The following KALRN variants were observed in gnomAD, a reference collection of about 807,000 sequenced individuals.
The protein encoded by KALRN is kalirin.
In KALRN, 70 loss-of-function variants were observed where a neutral mutation model predicts 353.7. The observed-to-expected ratio is 0.20, with a 90% CI of 0.16 to 0.24. The LOEUF is 0.24. Ranked by LOEUF, KALRN falls within the 10% of genes least tolerant of loss-of-function variation. The probability of loss-of-function intolerance (pLI) is 1.00; values close to 1 mark genes in which losing one functional copy is unlikely to be tolerated. For synonymous variants in KALRN, 1,391 were observed against 1,434.8 expected, an observed-to-expected ratio of 0.97 and a Z score of 0.69; for missense variants, 2,791 against 3,756.7, an observed-to-expected ratio of 0.74 and a Z score of 6.72.
chr3:124,110,469 G>GTGCACACA lies in KALRN; in HGVS notation c.73+76656_73+76657insTGCACACA, dbSNP rs1553768423. Among the ~76,000 whole-genome samples the GTGCACACA allele has an allele frequency of 5.2e-4, 70 of 133,980 alleles. 4 individuals are homozygous for GTGCACACA. Among genetic ancestry groups the GTGCACACA allele is most frequent in the Non-Finnish European group, 9.7e-4 (61 of 62,856 alleles). 87.9% of individuals were successfully genotyped at this position (133,980 alleles called of 152,430 possible). On this transcript the variant is annotated intron_variant, in intron 1 of 59. Coordinates refer to ENST00000682506, the MANE Select transcript of KALRN (RefSeq NM_001388419.1). ...ATATATTTCATATATACACACGCGCGCACACACACACACACACACACACAC... is the reference window on the plus strand; with the variant it reads ...ATATATTTCATATATACACACGCGCGTGCACACACACACACACACACACACACACACAC...
At chr3:124,261,029 A>G (rs1349538429) in intron 3 of KALRN, among the ~76,000 whole-genome samples, 47 of 148,142 alleles carry the variant, frequency 3.2e-4, no homozygotes. Context: ...TGATATAGTA[A>G]CCTGAGCTTG....
intron 33 of KALRN, among the ~76,000 whole-genome samples, chr3:124,553,087 C>T (rs2070754257): frequency 6.6e-6 from 1 of 152,150 alleles, no homozygotes; most frequent in Non-Finnish European, 1.5e-5. Flanking sequence ...TTTCTACTCC[C>T]TCGACACAAG....
intron 34 of KALRN, among the ~76,000 whole-genome samples, chr3:124,628,482 CCCTTCCCTCCCTTCCCTTCCTTCCCTT>C (rs1461208349): frequency 3.2e-5 from 3 of 94,656 alleles, no homozygotes; most frequent in East Asian, 5.1e-4. Flanking sequence ...TCCCTTCCTT[CCCTTCCCTCCCTTCCCTTCCTTCCCTT>C]CCTTCCCTTC....
chr3:124,347,423 G>A (rs1207491679), intron 10 of KALRN, among the ~76,000 whole-genome samples, 158 bp downstream of exon 10: 1 of 147,474 alleles, frequency 6.8e-6, no homozygotes, highest in African/African-American at 2.5e-5. Flanking sequence ...GGGAGACCAG[G>A]GCTGTGGCTT....
At chr3:124,062,001 C>G (rs750534615) in intron 1 of KALRN, among the ~76,000 whole-genome samples, 1 of 152,158 alleles carries the variant, frequency 6.6e-6, no homozygotes. Flanking sequence ...AAGGGCATCA[C>G]CTGGGAGCTT....
At chr3:124,167,135 A>G (rs1371029768) in intron 1 of KALRN, among the ~76,000 whole-genome samples, 1 of 152,204 alleles carries the variant, frequency 6.6e-6, no homozygotes, top group Non-Finnish European at 1.5e-5. Flanking sequence ...GGGGTGGACC[A>G]AGAGTAAACC....
intron 7 of KALRN, among the ~76,000 whole-genome samples, chr3:124,327,599 A>G (rs1483286426): frequency 6.6e-6 from 1 of 152,230 alleles, no homozygotes; most frequent in Non-Finnish European, 1.5e-5. Flanking sequence ...TCATATACAC[A>G]CACACATATA....
chr3:124,368,281 C>T (rs1362988566), intron 10 of KALRN, among the ~76,000 whole-genome samples: 4 of 144,110 alleles, frequency 2.8e-5, no homozygotes, highest in Non-Finnish European at 6.0e-5. Flanking sequence ...GGCTGCCGGG[C>T]GGAGACGCTC....
At chr3:124,604,130 G>C (rs1561398577) in intron 34 of KALRN, among the ~76,000 whole-genome samples, 3 of 132,274 alleles carry the variant, frequency 2.3e-5, no homozygotes, top group African/African-American at 9.0e-5. Flanking sequence ...AGATGGTCAG[G>C]ACTGCTTTCA....
intron 34 of KALRN, among the ~76,000 whole-genome samples, chr3:124,598,780 C>T (rs2076515037): frequency 6.6e-6 from 1 of 152,162 alleles, no homozygotes; most frequent in Non-Finnish European, 1.5e-5. Context: ...AGGCCCAAGC[C>T]ATCCTCCTAC....
chr3:124,552,976 G>A (rs556883308), intron 33 of KALRN, among the ~76,000 whole-genome samples: 10 of 152,250 alleles, frequency 6.6e-5, no homozygotes, highest in African/African-American at 2.4e-4. Flanking sequence ...ATGTTGACCA[G>A]GCTGGTCTCG....
chr3:124,531,897 A>T (rs998857057), intron 33 of KALRN, among the ~76,000 whole-genome samples: 5 of 152,172 alleles, frequency 3.3e-5, no homozygotes, highest in Admixed American at 3.3e-4. Flanking sequence ...GATAGGTCTC[A>T]TATGTAGGGG....
chr3:124,565,779 A>G (rs766420601), intron 34 of KALRN, among the ~76,000 whole-genome samples: 91 of 152,332 alleles, frequency 6.0e-4, no homozygotes, highest in Non-Finnish European at 1.2e-3. Context: ...GCAACTTCGC[A>G]GGAGCAAACC....
rs190268347 is a variant in KALRN at position 124,458,813 on chromosome 3, A to T, written c.3854+2085A>T. Among the ~76,000 whole-genome samples, 32 of 152,274 alleles carry T rather than the reference A, an allele frequency of 2.1e-4. No homozygotes were observed. In the East Asian group the frequency reaches 3.3e-3, roughly 16 times the overall value. Reference sequence around the variant, plus strand: ...GCTGGGCATGGTGGTGTGCACCTGTAATCCCAGCTACTCAGGAGGCTGAGG... The same window carrying T: ...GCTGGGCATGGTGGTGTGCACCTGTTATCCCAGCTACTCAGGAGGCTGAGG... On this transcript the variant is annotated intron_variant, in intron 23 of 59. Coordinates refer to ENST00000682506, the MANE Select transcript of KALRN (RefSeq NM_001388419.1).
intron 5 of KALRN, among the ~76,000 whole-genome samples, chr3:124,292,816 G>A (rs2076536473): frequency 6.6e-6 from 1 of 152,166 alleles, no homozygotes; most frequent in Admixed American, 6.5e-5. Flanking sequence ...GCAGATTTCA[G>A]AATCTATCAT....
intron 34 of KALRN, among the ~76,000 whole-genome samples, chr3:124,631,741 T>A (rs1336175284): frequency 2.0e-5 from 3 of 152,234 alleles, no homozygotes; most frequent in Non-Finnish European, 2.9e-5. Context: ...TGAATCACTC[T>A]GGCTCAGAAT....
intron 32 of KALRN, among the ~76,000 whole-genome samples, chr3:124,495,565 C>T (rs113022425): frequency 7.9e-5 from 12 of 151,546 alleles, no homozygotes; most frequent in Admixed American, 1.3e-4. Flanking sequence ...GGTGAAACCA[C>T]GTCTCCACAA....
intron 8 of KALRN, among the ~76,000 whole-genome samples, chr3:124,333,842 C>T (rs557320425): frequency 8.6e-5 from 13 of 152,006 alleles, no homozygotes; most frequent in Non-Finnish European, 1.8e-4. Flanking sequence ...GAGCCGAGAT[C>T]GCACCATTGA....
At chr3:124,612,265 A>G (rs2078076808) in intron 34 of KALRN, among the ~76,000 whole-genome samples, 1 of 152,038 alleles carries the variant, frequency 6.6e-6, no homozygotes, top group Non-Finnish European at 1.5e-5. Flanking sequence ...GTGCAATGGC[A>G]TGATCTCGGC....
Sources: gnomAD v4.1 joint callset for allele counts (sites outside exome capture counted in the v4.1 genomes callset) on GRCh38, gnomAD v4.1.1 for gene constraint, MANE v1.5 for transcripts, NCBI Gene and HGNC (gene_info 2026-07-23, HGNC 2026-07-21) for gene names.